MEI4: variants seen among roughly 807,000 people sequenced by gnomAD.
MEI4 encodes meiosis-specific protein MEI4.
MEI4 carries 27 observed loss-of-function variants against 31.4 expected under a neutral mutation model. The ratio of observed to expected loss-of-function variants is 0.86; its 90% confidence interval spans 0.63 to 1.19. The LOEUF (loss-of-function observed/expected upper bound fraction) is 1.19. Among genes scored for constraint, MEI4 ranks in the 50% most tolerant of loss-of-function variants. The pLI is 0.00. For synonymous variants in MEI4, 122 were observed against 145.4 expected, an observed-to-expected ratio of 0.84 and a Z score of 1.16; for missense variants, 329 against 398.9, an observed-to-expected ratio of 0.82 and a Z score of 1.49.
intron 3 of MEI4, among the ~76,000 whole-genome samples, chr6:77,762,660 A>C (rs1768071740): frequency 6.6e-6 from 1 of 152,188 alleles, no homozygotes; most frequent in Non-Finnish European, 1.5e-5. Context: ...AGTTTTCAAA[A>C]TTTTGAATAA....
chr6:77,904,343 G>T (rs1410346863), intron 4 of MEI4, among the ~76,000 whole-genome samples: 1 of 152,020 alleles, frequency 6.6e-6, no homozygotes, highest in Non-Finnish European at 1.5e-5. Flanking sequence ...GGGAGTACAT[G>T]TGCAGTTTAT....
At chr6:77,790,061 A>C (rs936513703) in intron 3 of MEI4, among the ~76,000 whole-genome samples, 9 of 152,050 alleles carry the variant, frequency 5.9e-5, no homozygotes, top group African/African-American at 2.2e-4. Context: ...TACACCATGG[A>C]ATACTATGCA....
chr6:77,866,970 G>C (rs1771050659), intron 4 of MEI4, among the ~76,000 whole-genome samples: 1 of 152,150 alleles, frequency 6.6e-6, no homozygotes, highest in East Asian at 1.9e-4. Flanking sequence ...CAAGCAATGG[G>C]GAAAGGATTC....
chr6:77,742,670 G>A (rs911806426), intron 2 of MEI4, among the ~76,000 whole-genome samples: 56 of 152,304 alleles, frequency 3.7e-4, no homozygotes, highest in African/African-American at 1.3e-3. Context: ...ATTGCTTTTG[G>A]TGTTTTAGAC....
At chr6:77,682,308 C>T (rs1301521059) in intron 1 of MEI4, among the ~76,000 whole-genome samples, 1 of 152,216 alleles carries the variant, frequency 6.6e-6, no homozygotes, top group Non-Finnish European at 1.5e-5. Flanking sequence ...GTAGGTCTCA[C>T]ATAAGATAAA....
At chr6:77,903,530 C>G (rs999624972) in intron 4 of MEI4, among the ~76,000 whole-genome samples, 4 of 152,054 alleles carry the variant, frequency 2.6e-5, no homozygotes, top group African/African-American at 9.7e-5. Context: ...TGGGTTTATT[C>G]AAATGTAATC....
intron 4 of MEI4, among the ~76,000 whole-genome samples, chr6:77,917,478 T>A (rs1308300252): frequency 6.7e-6 from 1 of 150,308 alleles, no homozygotes; most frequent in Non-Finnish European, 1.5e-5. Context: ...TGGTGTGAGA[T>A]GGTATCTCAT....
At chr6:77,876,367 T>C (rs1771337765) in intron 4 of MEI4, among the ~76,000 whole-genome samples, 1 of 152,184 alleles carries the variant, frequency 6.6e-6, no homozygotes, top group African/African-American at 2.4e-5. Flanking sequence ...GAGTGAGTTC[T>C]TGATTAAAGG....
At chr6:77,732,638 G>T (rs947780643) in intron 2 of MEI4, among the ~76,000 whole-genome samples, 5 of 151,812 alleles carry the variant, frequency 3.3e-5, no homozygotes, top group Non-Finnish European at 5.9e-5. Flanking sequence ...CTGCCTAATT[G>T]CCCTGGCCAA....
intron 4 of MEI4, among the ~76,000 whole-genome samples, chr6:77,917,975 T>A (rs1296549660): frequency 6.6e-6 from 1 of 151,718 alleles, no homozygotes; most frequent in Non-Finnish European, 1.5e-5. Context: ...CAGTTTCAGC[T>A]TTCTACATAT....
In MEI4 at chr6:77,788,110, A is replaced by G. The variant is rs185292800; in HGVS notation, c.768+26445A>G. 2.1e-3 allele frequency among the ~76,000 whole-genome samples: 323 copies of G among 152,348 alleles called. 5 individuals are homozygous for G. Among genetic ancestry groups the G allele is most frequent in the African/African-American group, 7.5e-3 (313 of 41,588 alleles). On this transcript the variant is annotated intron_variant, in intron 3 of 4. Transcript: ENST00000684080. ...GGGCTGGTTCAACATATGCAAATCAATAAATGTAATCCAGCATATAAACAG... is the reference window on the plus strand; with the variant it reads ...GGGCTGGTTCAACATATGCAAATCAGTAAATGTAATCCAGCATATAAACAG...
chr6:77,793,574 A>G (rs1372601724), intron 3 of MEI4, among the ~76,000 whole-genome samples: 2 of 152,206 alleles, frequency 1.3e-5, no homozygotes, highest in Non-Finnish European at 2.9e-5. Flanking sequence ...AAATATAATT[A>G]TAGCTGTAAT....
At chr6:77,656,880 G>T (rs1340390653) in intron 1 of MEI4, among the ~76,000 whole-genome samples, 1 of 151,846 alleles carries the variant, frequency 6.6e-6, no homozygotes, top group Non-Finnish European at 1.5e-5. Context: ...GTAACAAATA[G>T]ATTTTAAAAA....
intron 2 of MEI4, among the ~76,000 whole-genome samples, chr6:77,719,130 C>T (rs1430549849): frequency 7.1e-6 from 1 of 141,768 alleles, no homozygotes; most frequent in African/African-American, 2.7e-5. Flanking sequence ...TGAGTTTGTC[C>T]TGAGCAATTG....
intron 2 of MEI4, among the ~76,000 whole-genome samples, chr6:77,736,600 T>C (rs1767241483): frequency 6.6e-6 from 1 of 152,122 alleles, no homozygotes; most frequent in African/African-American, 2.4e-5. Flanking sequence ...GTCTTCTGCG[T>C]CGCTCATGCT....
chr6:77,915,635 A>G (rs564176897), intron 4 of MEI4, among the ~76,000 whole-genome samples: 2 of 151,952 alleles, frequency 1.3e-5, no homozygotes, highest in Non-Finnish European at 2.9e-5. Flanking sequence ...TGTTGGGTGC[A>G]TATGTGTTTA....
chr6:77,788,190 C>A (rs1768802521), intron 3 of MEI4, among the ~76,000 whole-genome samples: 2 of 152,134 alleles, frequency 1.3e-5, no homozygotes, highest in Admixed American at 1.3e-4. Context: ...AGGCCTTTGA[C>A]AAAATTCAAC....
At chr6:77,729,606 G>C (rs111758622) in intron 2 of MEI4, among the ~76,000 whole-genome samples, 3 of 152,286 alleles carry the variant, frequency 2.0e-5, no homozygotes, top group Non-Finnish European at 4.4e-5. Flanking sequence ...GCTGAGTGCA[G>C]GAGTTTGGGA....
At chr6:77,809,193 T>C (rs1769512294) in intron 3 of MEI4, among the ~76,000 whole-genome samples, 1 of 152,208 alleles carries the variant, frequency 6.6e-6, no homozygotes, top group African/African-American at 2.4e-5. Context: ...GACTAAGTGC[T>C]CGTGGAAAAA....
Sources: allele counts gnomAD v4.1 joint callset (sites outside exome capture counted in the v4.1 genomes callset), GRCh38; gene constraint gnomAD v4.1.1; transcripts MANE v1.5; gene names NCBI Gene and HGNC (gene_info 2026-07-23, HGNC 2026-07-21).